Variants in RBFOX1 observed in about 807,000 individuals in gnomAD.
RBFOX1 encodes the protein RNA binding protein fox-1 homolog 1.
A neutral mutation model predicts 57.7 loss-of-function variants in RBFOX1; 8 were observed. The ratio of observed to expected loss-of-function variants is 0.14; its 90% CI spans 0.08 to 0.25. RBFOX1 has a LOEUF of 0.25. Among genes scored for constraint, RBFOX1 ranks in the 10% least tolerant of loss-of-function variants. RBFOX1 has a pLI of 1.00. For synonymous variants in RBFOX1, 326 were observed against 222.4 expected (o/e 1.47, Z -4.15); for missense variants, 611 against 548.5 (o/e 1.11, Z -1.14).
chr16:6,398,588 A>G (rs2092936694), intron 2 of RBFOX1, among the ~76,000 whole-genome samples: 1 of 152,220 alleles, frequency 6.6e-6, no homozygotes, highest in African/African-American at 2.4e-5. Context: ...TCCAAAATCC[A>G]TTAGGGCAGT....
At chr16:6,360,229 T>C (rs1360973236) in intron 2 of RBFOX1, among the ~76,000 whole-genome samples, 1 of 150,450 alleles carries the variant, frequency 6.6e-6, no homozygotes, top group Non-Finnish European at 1.5e-5. Flanking sequence ...CATTGTGTAA[T>C]ATTTCTTTAT....
intron 1 of RBFOX1, among the ~76,000 whole-genome samples, chr16:5,410,254 C>G (rs757555223): frequency 4.0e-5 from 6 of 151,672 alleles, no homozygotes; most frequent in Non-Finnish European, 7.4e-5. Context: ...ACCTGTAGTT[C>G]CAGCTACTCA....
At chr16:6,386,500 C>G (rs7186066) in intron 2 of RBFOX1, among the ~76,000 whole-genome samples, 2,708 of 152,196 alleles carry the variant, frequency 0.018, 90 homozygotes, top group African/African-American at 0.061. Flanking sequence ...GGGGATACAC[C>G]AAACATGATT....
chr16:5,897,143 C>G (rs1471782426), intron 4 of RBFOX1, among the ~76,000 whole-genome samples: 8 of 151,310 alleles, frequency 5.3e-5, no homozygotes, highest in Non-Finnish European at 1.2e-4. Flanking sequence ...TCAAGCGATT[C>G]TCCCGCCTCA....
At chr16:5,467,757 T>A (rs1347370485) in intron 2 of RBFOX1, among the ~76,000 whole-genome samples, 1 of 152,242 alleles carries the variant, frequency 6.6e-6, no homozygotes, top group East Asian at 1.9e-4. Flanking sequence ...GGAACTAATG[T>A]AATTTCTAAT....
chr16:5,658,772 ATGTATATATGTATATATATAATATATG>A (rs1567358634), intron 3 of RBFOX1, among the ~76,000 whole-genome samples: 4,527 of 142,302 alleles, frequency 0.032, 233 homozygotes, highest in African/African-American at 0.12. Flanking sequence ...GTATGTATAT[ATGTATATATGTATATATATAATATATG>A]TGTATATATG....
chr16:7,372,184 T>G (rs1373878987), intron 4 of RBFOX1, among the ~76,000 whole-genome samples: 1 of 152,196 alleles, frequency 6.6e-6, no homozygotes, highest in African/African-American at 2.4e-5. Flanking sequence ...TGCTATTCAA[T>G]TCACATCACT....
chr16:7,530,449 C>T (rs2079764902), intron 5 of RBFOX1, among the ~76,000 whole-genome samples: 1 of 151,894 alleles, frequency 6.6e-6, no homozygotes, highest in Non-Finnish European at 1.5e-5. Context: ...TGGTTCCTAG[C>T]CAGAGGTTTC....
intron 3 of RBFOX1, among the ~76,000 whole-genome samples, chr16:5,661,889 G>A (rs1252427350): frequency 4.6e-5 from 7 of 152,064 alleles, no homozygotes; most frequent in Admixed American, 3.9e-4. Flanking sequence ...GGGGTCAAGC[G>A]ATTCTCCTGC....
intron 3 of RBFOX1, among the ~76,000 whole-genome samples, chr16:7,001,424 GTATA>G (rs2092792112): frequency 1.2e-5 from 1 of 85,830 alleles, no homozygotes; most frequent in Non-Finnish European, 2.7e-5. Flanking sequence ...ATATGTATAT[GTATA>G]TGTATATGTA....
chr16:7,546,148 G>A (rs2084449176), intron 5 of RBFOX1, among the ~76,000 whole-genome samples: 1 of 151,718 alleles, frequency 6.6e-6, no homozygotes, highest in South Asian at 2.1e-4. Flanking sequence ...CCAACATGGT[G>A]AAACCCTGTC....
intron 2 of RBFOX1, among the ~76,000 whole-genome samples, chr16:6,505,167 T>C (rs966529094): frequency 2.0e-5 from 3 of 152,240 alleles, no homozygotes; most frequent in Non-Finnish European, 2.9e-5. Context: ...AGTTATGCAG[T>C]TTCTTGCTCA....
At chr16:7,525,925 T>C (rs547401843) in intron 5 of RBFOX1, among the ~76,000 whole-genome samples, 1 of 152,248 alleles carries the variant, frequency 6.6e-6, no homozygotes, top group South Asian at 2.1e-4. Context: ...TTCCCCAGTC[T>C]CCAGCTGTCT....
intron 1 of RBFOX1, among the ~76,000 whole-genome samples, chr16:5,360,239 C>G (rs1205005877): frequency 6.6e-6 from 1 of 152,204 alleles, no homozygotes; most frequent in African/African-American, 2.4e-5. Context: ...GTGCTGCTGA[C>G]ATGTTGTGGG....
intron 2 of RBFOX1, among the ~76,000 whole-genome samples, chr16:6,404,811 A>C (rs568968818): frequency 6.6e-6 from 1 of 152,176 alleles, no homozygotes; most frequent in Non-Finnish European, 1.5e-5. Flanking sequence ...CAGCAATGAC[A>C]TGAAGCATTT....
chr16:5,422,404 C>A (rs111163810), intron 1 of RBFOX1, among the ~76,000 whole-genome samples: 44,842 of 82,808 alleles, frequency 0.54, 11,710 homozygotes, highest in Admixed American at 0.65. Flanking sequence ...AGGGAAGAGG[C>A]GTAGGGAGAG....
At chr16:6,329,609 G>C (rs751848516) in intron 2 of RBFOX1, among the ~76,000 whole-genome samples, 2 of 152,140 alleles carry the variant, frequency 1.3e-5, no homozygotes, top group Non-Finnish European at 2.9e-5. Context: ...GCTAATGTCT[G>C]GGTTATATTT....
intron 4 of RBFOX1, among the ~76,000 whole-genome samples, chr16:5,985,416 A>G (rs1380380048): frequency 6.6e-6 from 1 of 152,112 alleles, no homozygotes; most frequent in Non-Finnish European, 1.5e-5. Context: ...AAGGTATAAT[A>G]GTTGCTATTA....
At chr16:5,632,307 A>G (rs2048536885) in intron 3 of RBFOX1, among the ~76,000 whole-genome samples, 3 of 152,260 alleles carry the variant, frequency 2.0e-5, no homozygotes, top group Admixed American at 2.0e-4. Flanking sequence ...CCCAACCCAC[A>G]TCAATCTCTG....
Sources: gnomAD v4.1 joint callset for allele counts (sites outside exome capture counted in the v4.1 genomes callset) on GRCh38, gnomAD v4.1.1 for gene constraint, MANE v1.5 for transcripts, NCBI Gene and HGNC (gene_info 2026-07-23, HGNC 2026-07-21) for gene names.